The following C11orf65 variants were observed in gnomAD, a reference collection of about 807,000 sequenced individuals.
C11orf65 encodes the protein protein MFI.
In C11orf65, 38 loss-of-function variants were observed where a neutral mutation model predicts 35.3. That is an observed-to-expected ratio of 1.08 (90% confidence interval 0.83 to 1.41). The LOEUF (loss-of-function observed/expected upper bound fraction) is 1.41. Among genes scored for constraint, C11orf65 ranks in the 40% most tolerant of loss-of-function variants. The pLI is 0.00. For missense variants in C11orf65, 370 were observed against 367.1 expected (o/e 1.01, Z -0.06); for synonymous variants, 105 against 114.4 (o/e 0.92, Z 0.53).
chr11:108,339,200 C>T (rs1056593033), intron 2 of C11orf65, among the ~76,000 whole-genome samples: 7 of 152,140 alleles, frequency 4.6e-5, no homozygotes, highest in Non-Finnish European at 1.0e-4. Flanking sequence ...CAAAACTATG[C>T]ATTGTTACAA....
At chr11:108,368,592 G>C (rs1015409440) in intron 2 of C11orf65, 10 of 218,094 alleles carry the variant, frequency 4.6e-5, no homozygotes, top group African/African-American at 2.2e-4. Context: ...AACTTGAAAA[G>C]ATTTCAGGCG....
rs1266938537 is a variant in C11orf65 at position 108,319,961 on chromosome 11, G to T, written c.641-10890C>A. The T allele has an allele frequency of 6.2e-7, 1 of 1,608,704 alleles. No individual in the cohort carries two copies. ...CTTTGACTTATCTCACAGCAAAGAAGTAGAAGGAACCAGTTACCATGAATC... is the reference window on the plus strand; with the variant it reads ...CTTTGACTTATCTCACAGCAAAGAATTAGAAGGAACCAGTTACCATGAATC... On this transcript the variant is annotated intron_variant, in intron 6 of 6. Coordinates refer to the C11orf65 transcript ENST00000525729.
chr11:108,384,119 C>G (rs927995684), intron 8 of C11orf65, among the ~76,000 whole-genome samples: 2 of 152,142 alleles, frequency 1.3e-5, no homozygotes, highest in African/African-American at 4.8e-5. Flanking sequence ...AACTTAGCCT[C>G]CCAAAGTGCT....
At chr11:108,416,117 A>G (rs937643606) in intron 3 of C11orf65, among the ~76,000 whole-genome samples, 11 of 152,336 alleles carry the variant, frequency 7.2e-5, no homozygotes, top group Middle Eastern at 3.4e-3. Context: ...GACTTCATTA[A>G]AAAGTTGTAC....
chr11:108,378,032 A>G (rs1178899191), downstream of C11orf65, among the ~76,000 whole-genome samples: 2 of 150,550 alleles, frequency 1.3e-5, no homozygotes, highest in Admixed American at 6.6e-5. Context: ...GGAAGAATCA[A>G]TATCGTGAAA....
chr11:108,411,847 G>A (rs2092663352), intron 3 of C11orf65, among the ~76,000 whole-genome samples: 1 of 151,400 alleles, frequency 6.6e-6, no homozygotes, highest in Non-Finnish European at 1.5e-5. Context: ...GAGTGCAGTG[G>A]TGTGATCTCA....
At chr11:108,354,416 A>G (rs1398212526) in intron 2 of C11orf65, among the ~76,000 whole-genome samples, 1 of 152,180 alleles carries the variant, frequency 6.6e-6, no homozygotes, top group African/African-American at 2.4e-5. Flanking sequence ...CTAGTATAAC[A>G]TTGTGCTACT....
At chr11:108,450,021 C>T (rs534079287) in intron 2 of C11orf65, among the ~76,000 whole-genome samples, 1 of 151,960 alleles carries the variant, frequency 6.6e-6, no homozygotes, top group Admixed American at 6.5e-5. Context: ...AGCCAAAAAA[C>T]ACATGAAAAA....
intron 2 of C11orf65, among the ~76,000 whole-genome samples, chr11:108,359,823 A>G (rs2090486984): frequency 6.6e-6 from 1 of 152,188 alleles, no homozygotes; most frequent in Non-Finnish European, 1.5e-5. Context: ...TTATAGCACT[A>G]AATGCCCACA....
chr11:108,349,269 TAATC>T (rs997642719), intron 2 of C11orf65, among the ~76,000 whole-genome samples: 1 of 152,158 alleles, frequency 6.6e-6, no homozygotes, highest in African/African-American at 2.4e-5. Context: ...ATTTAACAAG[TAATC>T]AATCCTAGAG....
intron 6 of C11orf65, 66 bp from the exon 7 acceptor site, chr11:108,393,444 A>AAT: frequency 7.1e-7 from 1 of 1,409,828 alleles, no homozygotes; most frequent in Non-Finnish European, 1.0e-6. Context: ...AGATACAGGC[A>AAT]ATATATATTG....
chr11:108,330,573 G>A (rs1215191074), downstream of C11orf65: 2 of 832,126 alleles, frequency 2.4e-6, no homozygotes, highest in Non-Finnish European at 4.0e-6. Context: ...TCTAAACTTT[G>A]ATCCATATTT....
At chr11:108,364,440 T>C (rs1031828828) in intron 2 of C11orf65, among the ~76,000 whole-genome samples, 4 of 152,192 alleles carry the variant, frequency 2.6e-5, no homozygotes, top group South Asian at 2.1e-4. Context: ...GCTCTAGCCA[T>C]GTCAGTTGTT....
At chr11:108,379,182 G>A (rs1206536997), downstream of C11orf65, among the ~76,000 whole-genome samples, 1 of 152,132 alleles carries the variant, frequency 6.6e-6, no homozygotes, top group Non-Finnish European at 1.5e-5. Context: ...GCACACGTAT[G>A]TTTATTGCCG....
intron 6 of C11orf65, among the ~76,000 whole-genome samples, chr11:108,396,603 G>A (rs1165835479): frequency 2.0e-5 from 3 of 151,520 alleles, no homozygotes; most frequent in Admixed American, 1.3e-4. Context: ...AGGCCAAGGC[G>A]GGCGGATCAC....
Position 108,365,499 on chromosome 11 carries a change from T to C in C11orf65, c.226+27709A>G. On this transcript the variant is annotated intron_variant, in intron 2 of 3. Coordinates refer to the C11orf65 transcript ENST00000524755. ...GCCGACTTTTCCCAGGATGGAAAGC[T>C]TGGGTGTGATCTTCAGTATATGAAT... The C allele has an allele frequency of 6.2e-7, 1 of 1,614,160 alleles. No individual in the cohort carries two copies. Among genetic ancestry groups the C allele is most frequent in the Non-Finnish European group, 8.5e-7 (1 of 1,180,010 alleles).
intron 7 of C11orf65, among the ~76,000 whole-genome samples, chr11:108,392,781 C>T (rs1032976577): frequency 1.4e-4 from 22 of 152,120 alleles, no homozygotes; most frequent in Non-Finnish European, 3.1e-4. Flanking sequence ...TCTAAAATTT[C>T]CCCCACACAA....
At chr11:108,309,354 C>T (rs1182427888) in intron 6 of C11orf65, among the ~76,000 whole-genome samples, 2 of 152,170 alleles carry the variant, frequency 1.3e-5, no homozygotes, top group African/African-American at 2.4e-5. Flanking sequence ...TAGTTGAGTG[C>T]TTGCTGTGTA....
intron 2 of C11orf65, among the ~76,000 whole-genome samples, chr11:108,460,016 G>T (rs141510167): frequency 2.6e-4 from 39 of 152,232 alleles, no homozygotes; most frequent in African/African-American, 8.9e-4. Context: ...CGGCTATAGG[G>T]CAAGTTACTT....
Sources: gnomAD v4.1 joint callset for allele counts (sites outside exome capture counted in the v4.1 genomes callset) on GRCh38, gnomAD v4.1.1 for gene constraint, MANE v1.5 for transcripts, NCBI Gene and HGNC (gene_info 2026-07-23, HGNC 2026-07-21) for gene names.